Variants in DNAH9 observed in about 807,000 individuals in gnomAD.
The protein encoded by DNAH9 is DNAH9 variant protein.
DNAH9 carries 345 observed loss-of-function variants against 471.6 expected under a neutral mutation model. The ratio of observed to expected loss-of-function variants is 0.73; its 90% confidence interval spans 0.67 to 0.80. The LOEUF (loss-of-function observed/expected upper bound fraction) is 0.80, where lower values mean the gene tolerates loss of function less well. Ranked by LOEUF, DNAH9 falls within the 30% of genes least tolerant of loss-of-function variation. The pLI, the probability that DNAH9 is intolerant of heterozygous loss-of-function variation, is 0.00. For missense variants in DNAH9, 5,407 were observed against 5,609.2 expected (o/e 0.96, Z 1.15); for synonymous variants, 2,093 against 2,123.6 (o/e 0.99, Z 0.40).
chr17:11,854,810 G>A (rs1462968683), intron 50 of DNAH9, among the ~76,000 whole-genome samples: 1 of 152,170 alleles, frequency 6.6e-6, no homozygotes, highest in Admixed American at 6.5e-5. Flanking sequence ...CAGTAGCATG[G>A]ATGTGTGGAA....
intron 53 of DNAH9, among the ~76,000 whole-genome samples, chr17:11,878,748 T>C (rs1174371665): frequency 1.3e-5 from 2 of 152,074 alleles, no homozygotes; most frequent in Non-Finnish European, 2.9e-5. Context: ...AGAGAGGGTG[T>C]CTCACCATAT....
chr17:11,629,760 A>G (rs770527444), intron 7 of DNAH9, among the ~76,000 whole-genome samples, 176 bp downstream of exon 7: 51 of 152,166 alleles, frequency 3.4e-4, no homozygotes, highest in Non-Finnish European at 2.8e-4. Context: ...GTGCCAAGAG[A>G]AAGATTCTAA....
intron 65 of DNAH9, 81 bp downstream of exon 65, chr17:11,934,152 C>A: frequency 1.4e-6 from 2 of 1,446,980 alleles, no homozygotes; most frequent in African/African-American, 1.4e-5. Context: ...ACCTGCACCA[C>A]CAGGGAAGCC....
In DNAH9 at chr17:11,704,307, G is replaced by A. The variant is rs1240569747; in HGVS notation, c.5256G>A (p.Lys1752=). The change falls in exon 25 of 69, where the codon AAG becomes AAA. Residue 1752 remains lysine, a synonymous_variant. Coordinates refer to ENST00000262442, the MANE Select transcript of DNAH9 (RefSeq NM_001372.4). ...GTGCCATGAAGGACTATTATAAGAA[G>A]CAAGTGGCCCAGCTCAAAACCCTTA... is the stretch of plus-strand genomic sequence containing the variant. The part of the protein sequence containing the change: ...YESAMKDYYK[K]QVAQLKTLIT... 2 of 1,614,188 alleles carry A rather than the reference G, an allele frequency of 1.2e-6. No individual in the cohort carries two copies. The highest frequency in any genetic ancestry group is 1.7e-5 in the Admixed American group (1 of 60,016).
chr17:11,819,991 C>A (rs557640092), intron 45 of DNAH9, among the ~76,000 whole-genome samples: 6 of 152,074 alleles, frequency 3.9e-5, no homozygotes, highest in African/African-American at 2.4e-5. Context: ...AACAAGAAAA[C>A]ACAATAGCAA....
intron 28 of DNAH9, among the ~76,000 whole-genome samples, chr17:11,737,990 C>T (rs2075374645): frequency 6.6e-6 from 1 of 152,184 alleles, no homozygotes; most frequent in African/African-American, 2.4e-5. Flanking sequence ...ATTTCATTTA[C>T]TTAGAACAAG....
Position 11,611,760 on chromosome 17 carries a change from T to A in DNAH9, c.884T>A (p.Met295Lys), listed in dbSNP as rs2072642514. The change falls in exon 4 of 69, where the codon ATG becomes AAG. Residue 295 changes from methionine to lysine, a missense_variant. Around this residue, in one of 3 missense-constraint regions of DNAH9, gnomAD observed 767 missense variants for 692.5 expected, o/e 1.11. Coordinates refer to ENST00000262442, the MANE Select transcript of DNAH9 (RefSeq NM_001372.4). ...QSSYFPAFKAMYRDVVAALAE... is the reference protein window; with the variant it reads ...QSSYFPAFKAKYRDVVAALAE... ...AGCTACTTTCCAGCTTTCAAAGCCA[T>A]GTACAGAGATGTTGTTGCAGGTGAG... is the stretch of plus-strand genomic sequence containing the variant. 3 of 1,614,084 alleles carry A rather than the reference T, an allele frequency of 1.9e-6. No individual in the cohort carries two copies. The highest frequency in any genetic ancestry group is 2.5e-6 in the Non-Finnish European group (3 of 1,180,008).
At chr17:11,858,807 G>C (rs528964313) in intron 50 of DNAH9, among the ~76,000 whole-genome samples, 1 of 152,054 alleles carries the variant, frequency 6.6e-6, no homozygotes, top group Non-Finnish European at 1.5e-5. Context: ...TTTAATGGCC[G>C]GCACAGTGCC....
At chr17:11,801,750 G>A (rs888759290) in intron 43 of DNAH9, among the ~76,000 whole-genome samples, 1 of 152,170 alleles carries the variant, frequency 6.6e-6, no homozygotes, top group African/African-American at 2.4e-5. Flanking sequence ...CTCTTCTCCT[G>A]AAGAGCCACC....
In DNAH9 at chr17:11,694,711, TC is replaced by T. The variant is rs2074413189; in HGVS notation, c.4872+265del. On this transcript the variant is annotated intron_variant, in intron 22 of 68. Transcript: ENST00000262442. Reference sequence around the variant, plus strand: ...CTCGCTTTCTCGCTTTCTCTCTCTCTCTCTCTCTCTCTCTCTTTCTCTTTCT... The same window carrying T: ...CTCGCTTTCTCGCTTTCTCTCTCTCTTCTCTCTCTCTCTCTTTCTCTTTCT... Among the ~76,000 whole-genome samples the T allele has an allele frequency of 4.9e-3, 28 of 5,678 alleles. 12 individuals carry two copies. Among genetic ancestry groups the T allele is most frequent in the African/African-American group, 6.1e-3 (28 of 4,566 alleles). The allele number at this position is 5,678 out of a possible 152,430, so 3.7% of individuals were successfully genotyped here.
At chr17:11,746,733 A>G (rs1040075295) in intron 31 of DNAH9, among the ~76,000 whole-genome samples, 1 of 152,220 alleles carries the variant, frequency 6.6e-6, no homozygotes, top group Non-Finnish European at 1.5e-5. Flanking sequence ...TGTCAGCTAA[A>G]TTGGATATTT....
intron 41 of DNAH9, among the ~76,000 whole-genome samples, chr17:11,785,417 T>G (rs541832689): frequency 6.6e-6 from 1 of 152,244 alleles, no homozygotes; most frequent in Admixed American, 6.5e-5. Context: ...GTAATTGTAA[T>G]TAATTTCTCA....
At chr17:11,776,539 T>C (rs1319062497) in intron 38 of DNAH9, among the ~76,000 whole-genome samples, 1 of 152,118 alleles carries the variant, frequency 6.6e-6, no homozygotes, top group Non-Finnish European at 1.5e-5. Context: ...CTGATGATAG[T>C]CCCCATTTTA....
At chr17:11,652,244 C>G (rs2073523289) in intron 13 of DNAH9, among the ~76,000 whole-genome samples, 1 of 145,318 alleles carries the variant, frequency 6.9e-6, no homozygotes, top group African/African-American at 2.6e-5. Flanking sequence ...TTACCTCTTT[C>G]TCTTCCTCCA....
At chr17:11,939,807 C>CATGGATGGATGGATGGATGGATGGATGG in intron 66 of DNAH9, among the ~76,000 whole-genome samples, 1 of 147,294 alleles carries the variant, frequency 6.8e-6, no homozygotes, top group Admixed American at 6.8e-5. Context: ...ATGTTAGATA[C>CATGGATGGATGGATGGATGGATGGATGG]ATGGATGGAT....
intron 44 of DNAH9, among the ~76,000 whole-genome samples, chr17:11,809,974 A>C (rs996895330): frequency 6.6e-6 from 1 of 152,108 alleles, no homozygotes; most frequent in Admixed American, 6.5e-5. Flanking sequence ...AATCAGTGTA[A>C]GAGAGGTACA....
In DNAH9 at chr17:11,783,626, A is replaced by G. The variant is rs1968748555; in HGVS notation, c.7719-20A>G. On this transcript the variant is annotated intron_variant, in intron 39 of 68. Transcript: ENST00000262442. ...CTCAGTCCTCAGACACCTTTCACCT[A>G]GAGCTTCTGACTGTTCCAGGTATGA... 1 of 1,596,220 alleles carries G rather than the reference A, an allele frequency of 6.3e-7. No homozygotes were observed. The highest frequency in any genetic ancestry group is 8.6e-7 in the Non-Finnish European group (1 of 1,164,340).
chr17:11,821,007 C>A (rs769125209), intron 45 of DNAH9, among the ~76,000 whole-genome samples: 1 of 152,060 alleles, frequency 6.6e-6, no homozygotes, highest in Non-Finnish European at 1.5e-5. Context: ...TCTGGCCAGG[C>A]GCAGTGGCTC....
In DNAH9 at chr17:11,669,647, A is replaced by T; in HGVS notation, c.3206A>T (p.Tyr1069Phe). The T allele has an allele frequency of 1.2e-6, 2 of 1,614,194 alleles. No individual in the cohort carries two copies. The highest frequency in any genetic ancestry group is 1.3e-5 in the African/African-American group (1 of 75,040). Residue 1069 changes from tyrosine (Y) to phenylalanine (F), a missense_variant, in exon 17 of 69, where the codon TAT (tyrosine) becomes TTT (phenylalanine). This residue lies in a region of DNAH9 where 4,636 missense variants were observed against 4,900.3 expected (regional missense o/e 0.95). Transcript: ENST00000262442. Reference sequence around the variant, plus strand: ...CAAATCGACTCCTATGAAACGCTCTATGAAGAGGTGTGCAGGCTGGAACCC... The same window carrying T: ...CAAATCGACTCCTATGAAACGCTCTTTGAAGAGGTGTGCAGGCTGGAACCC... ...KVQIDSYETL[Y>F]EEVCRLEPIK...
Sources: gnomAD v4.1 joint callset for allele counts (sites outside exome capture counted in the v4.1 genomes callset) on GRCh38, gnomAD v4.1.1 for gene constraint, gnomAD v4.1.1 regional missense constraint, MANE v1.5 for transcripts, NCBI Gene and HGNC (gene_info 2026-07-23, HGNC 2026-07-21) for gene names.